The following SI variants were observed in gnomAD, a reference collection of about 807,000 sequenced individuals.
The protein encoded by SI is sucrase-isomaltase, intestinal.
In SI, 235 loss-of-function variants were observed where a neutral mutation model predicts 253.3. The ratio of observed to expected loss-of-function variants is 0.93; its 90% CI spans 0.83 to 1.03. The LOEUF (loss-of-function observed/expected upper bound fraction) is 1.03. Among genes scored for constraint, SI ranks in the 50% least tolerant of loss-of-function variants. The pLI, the probability that SI is intolerant of heterozygous loss-of-function variation, is 0.00. For synonymous variants in SI, 819 were observed against 712.0 expected (o/e 1.15, Z -2.39); for missense variants, 2,442 against 2,211.1 (o/e 1.10, Z -2.09).
intron 3 of SI, among the ~76,000 whole-genome samples, chr3:165,073,514 T>C (rs910887317): frequency 6.6e-6 from 1 of 152,068 alleles, no homozygotes; most frequent in African/African-American, 2.4e-5. Flanking sequence ...TACTATGATG[T>C]AGGGAAGACA....
rs202110241 is a variant in SI at position 164,987,229 on chromosome 3, A to C, written c.5109-3T>G. 2 of 1,610,598 alleles carry C rather than the reference A, an allele frequency of 1.2e-6. No individual in the cohort carries two copies. The highest frequency in any genetic ancestry group is 1.1e-5 in the South Asian group (1 of 91,000). On this transcript the variant is annotated splice_region_variant and splice_polypyrimidine_tract_variant and intron_variant, in intron 44 of 47. Transcript: ENST00000264382. Reference sequence around the variant, plus strand: ...TGAGCTTCATGTGTTTTTGTCGACTATAAGAAAGAAATATATAATTTTACC... The same window carrying C: ...TGAGCTTCATGTGTTTTTGTCGACTCTAAGAAAGAAATATATAATTTTACC...
chr3:165,008,167 T>G (rs1718604354), intron 35 of SI, among the ~76,000 whole-genome samples, 169 bp from the exon 36 acceptor site: 1 of 151,968 alleles, frequency 6.6e-6, no homozygotes, highest in Non-Finnish European at 1.5e-5. Context: ...TTAGTTTATC[T>G]CATTGATTGC....
At chr3:165,006,198 G>A (rs986586330) in intron 37 of SI, among the ~76,000 whole-genome samples, 13 of 152,122 alleles carry the variant, frequency 8.5e-5, no homozygotes, top group African/African-American at 1.9e-4. Flanking sequence ...AACCTCTGCC[G>A]CCCAGGTCCA....
chr3:164,989,157 C>T (rs778624519), intron 44 of SI, among the ~76,000 whole-genome samples: 1 of 149,078 alleles, frequency 6.7e-6, no homozygotes, highest in South Asian at 2.1e-4. Flanking sequence ...ACCAGCCTGG[C>T]CAACATGATG....
At chr3:164,982,980 G>T in intron 46 of SI, 22 bp downstream of exon 46, 1 of 1,549,334 alleles carries the variant, frequency 6.5e-7, no homozygotes, top group Non-Finnish European at 8.8e-7. Context: ...TAACAGAATT[G>T]CATATAAATA....
chr3:165,079,264 A>G (rs911203288), upstream of SI, among the ~76,000 whole-genome samples: 4 of 151,654 alleles, frequency 2.6e-5, no homozygotes, highest in Non-Finnish European at 4.4e-5. Flanking sequence ...AATACTACCT[A>G]TAAAATCACT....
intron 25 of SI, among the ~76,000 whole-genome samples, chr3:165,026,706 A>G (rs1378458621): frequency 1.3e-5 from 2 of 151,374 alleles, no homozygotes; most frequent in Admixed American, 1.3e-4. Flanking sequence ...ATTAAATAAT[A>G]TGCTCCTGAA....
Position 165,055,241 on chromosome 3 carries a change from C to A in SI, c.1465G>T (p.Glu489Ter). ...ACTTCTTGATGGAAAATACTGCATT[C>A]ATTTGCCCACCAATCAATGCAGTTT... is the stretch of plus-strand genomic sequence containing the variant. ...NPNCIDWWAN[E>*]CSIFHQEVQY... Residue 489 changes from glutamate to a stop codon, truncating the protein, a stop_gained, in exon 13 of 48, where the codon GAA becomes TAA. Coordinates refer to ENST00000264382, the MANE Select transcript of SI (RefSeq NM_001041.4). LOFTEE classifies it high-confidence loss of function. The A allele has an allele frequency of 6.2e-7, 1 of 1,611,870 alleles. No individual in the cohort carries two copies. Among genetic ancestry groups the A allele is most frequent in the Non-Finnish European group, 8.5e-7 (1 of 1,178,524 alleles).
chr3:165,005,064 T>A (rs1430014208), intron 37 of SI, among the ~76,000 whole-genome samples: 1 of 152,146 alleles, frequency 6.6e-6, no homozygotes, highest in African/African-American at 2.4e-5. Context: ...TTGCTTCTCC[T>A]TCACATTCTG....
chr3:165,025,299 A>G (rs1173618266), intron 25 of SI, among the ~76,000 whole-genome samples: 3 of 151,328 alleles, frequency 2.0e-5, no homozygotes, highest in East Asian at 3.9e-4. Context: ...AATAAAGACA[A>G]AGAAAAAAGA....
chr3:165,062,259 C>T (rs1339927402), intron 9 of SI, 112 bp downstream of exon 9: 1 of 650,608 alleles, frequency 1.5e-6, no homozygotes, highest in East Asian at 2.8e-5. Context: ...TTTTCGAAAA[C>T]ATTTAGCTAA....
At chr3:165,015,261 G>T in intron 32 of SI, 28 bp from the exon 33 acceptor site, 1 of 1,522,882 alleles carries the variant, frequency 6.6e-7, no homozygotes, top group Non-Finnish European at 9.1e-7. Flanking sequence ...TATAAACAAG[G>T]TACACATGAA....
At chr3:165,010,134 T>C (rs1718704335) in intron 34 of SI, among the ~76,000 whole-genome samples, 1 of 152,072 alleles carries the variant, frequency 6.6e-6, no homozygotes, top group Non-Finnish European at 1.5e-5. Flanking sequence ...GTAGGAAATA[T>C]AGAGATTTAC....
Position 164,982,343 on chromosome 3 carries a change from AG to A in SI, c.5314del (p.Leu1772PhefsTer16), listed in dbSNP as rs1455784392. On this transcript the variant is annotated frameshift_variant, in exon 47 of 48. Transcript: ENST00000264382. LOFTEE classifies it high-confidence loss of function. ...AGTAGTTCCTTTCCCCCATACATGA[AG>A]GGATCCAAGCCTCGTTTCACTTTTA... Reference protein sequence around the residue: ...INKSETRLGSLHVWGKGTTPV... With the variant: ...INKSETRLGSXHVWGKGTTPV... 1 of 1,612,480 alleles carries A rather than the reference AG, an allele frequency of 6.2e-7. No individual in the cohort carries two copies.
intron 6 of SI, among the ~76,000 whole-genome samples, chr3:165,067,042 A>G (rs1299746746): frequency 1.3e-5 from 2 of 151,942 alleles, no homozygotes; most frequent in Non-Finnish European, 2.9e-5. Flanking sequence ...GATAAATATA[A>G]GGGGGAAAGA....
chr3:164,997,708 T>G (rs974447372), intron 38 of SI, among the ~76,000 whole-genome samples: 1 of 151,766 alleles, frequency 6.6e-6, no homozygotes, highest in Non-Finnish European at 1.5e-5. Context: ...GTACACAGTG[T>G]TTAGCTCCCA....
At position 165,037,951 on chromosome 3, in the gene SI, C is replaced by G. The variant is rs1443004819; in HGVS notation, c.2375G>C (p.Arg792Thr). The G allele has an allele frequency of 6.2e-7, 1 of 1,611,770 alleles. No homozygotes were observed. The change falls in exon 21 of 48, where the codon AGA becomes ACA. Residue 792 changes from arginine to threonine, a missense_variant. Physicochemically the swap from Arg to Thr is moderately conservative, Grantham distance 71. Coordinates refer to ENST00000264382, the MANE Select transcript of SI (RefSeq NM_001041.4). Reference protein sequence around the residue: ...LPADKIGLHLRGGYIIPIQEP... With the variant: ...LPADKIGLHLTGGYIIPIQEP... ...TTGAATGGGGATGATATAACCTCCT[C>G]TAAGATGTAATCCTATTTTGTCTGC...
intron 3 of SI, among the ~76,000 whole-genome samples, chr3:165,071,911 G>A (rs1413178832): frequency 6.6e-6 from 1 of 152,140 alleles, no homozygotes; most frequent in African/African-American, 2.4e-5. Flanking sequence ...CCCATTCTGC[G>A]GAATTTTGTT....
At chr3:165,028,166 A>C (rs1712027005) in intron 25 of SI, among the ~76,000 whole-genome samples, 1 of 151,494 alleles carries the variant, frequency 6.6e-6, no homozygotes, top group Non-Finnish European at 1.5e-5. Flanking sequence ...GAATCAAATC[A>C]AAAACTCAAC....
Sources: allele counts gnomAD v4.1 joint callset (sites outside exome capture counted in the v4.1 genomes callset), GRCh38; gene constraint gnomAD v4.1.1; transcripts MANE v1.5; gene names NCBI Gene and HGNC (gene_info 2026-07-23, HGNC 2026-07-21).